ASAP2: variants seen among roughly 807,000 people sequenced by gnomAD.
The protein encoded by ASAP2 is arf-GAP with SH3 domain, ANK repeat and PH domain-containing protein 2.
ASAP2 carries 45 observed loss-of-function variants against 131.4 expected under a neutral mutation model. The ratio of observed to expected loss-of-function variants is 0.34; its 90% CI spans 0.27 to 0.44. The LOEUF (loss-of-function observed/expected upper bound fraction) is 0.44, where lower values mean the gene tolerates loss of function less well. ASAP2 is among the 20% of genes least tolerant of loss of function. ASAP2 has a pLI of 1.00. For missense variants in ASAP2, 1,011 were observed against 1,297.0 expected (o/e 0.78, Z 3.39); for synonymous variants, 510 against 503.0 (o/e 1.01, Z -0.19).
intron 1 of ASAP2, among the ~76,000 whole-genome samples, chr2:9,276,327 A>C (rs532612194): frequency 1.7e-3 from 257 of 152,096 alleles, no homozygotes; most frequent in African/African-American, 5.8e-3. Context: ...CAGCAGGGGG[A>C]GGGGGAGCCA....
intron 2 of ASAP2, among the ~76,000 whole-genome samples, chr2:9,288,536 G>T (rs1667608026): frequency 6.6e-6 from 1 of 152,096 alleles, no homozygotes; most frequent in African/African-American, 2.4e-5. Flanking sequence ...GGGGTATGAC[G>T]TGGCAAAAAT....
intron 12 of ASAP2, among the ~76,000 whole-genome samples, chr2:9,352,794 C>G (rs1672442296): frequency 6.6e-6 from 1 of 152,202 alleles, no homozygotes; most frequent in Non-Finnish European, 1.5e-5. Flanking sequence ...GAAACATCTT[C>G]AGGAAGGACT....
At chr2:9,390,531 C>CTGTG (rs987582523) in intron 22 of ASAP2, among the ~76,000 whole-genome samples, 4 of 152,238 alleles carry the variant, frequency 2.6e-5, no homozygotes, top group Admixed American at 1.3e-4. Context: ...TTGGTGTCAT[C>CTGTG]TGTGTCTGCT....
At chr2:9,344,437 A>G (rs1439135774) in intron 9 of ASAP2, 95 bp from the exon 10 acceptor site, 9 of 897,640 alleles carry the variant, frequency 1.0e-5, no homozygotes, top group African/African-American at 4.1e-5. Flanking sequence ...GTTGTTAAAA[A>G]AAAAACACAT....
In ASAP2 at chr2:9,262,777, C is replaced by T. The variant is rs113153550; in HGVS notation, c.127-16540C>T. On this transcript the variant is annotated intron_variant, in intron 1 of 27. Transcript: ENST00000281419. ...AGTTGGATGGCAGAGCCTGGCATGC[C>T]GACTGGGACAGAAGCCCCAGCACAC... Among the ~76,000 whole-genome samples, 521 of 152,290 alleles carry T rather than the reference C, an allele frequency of 3.4e-3. 5 individuals carry two copies. Among genetic ancestry groups the T allele is most frequent in the African/African-American group, 0.012 (483 of 41,546 alleles).
chr2:9,297,696 G>A (rs1199553707), intron 3 of ASAP2, among the ~76,000 whole-genome samples: 1 of 152,202 alleles, frequency 6.6e-6, no homozygotes, highest in Non-Finnish European at 1.5e-5. Flanking sequence ...ATGGGTAAAT[G>A]CATTCGTCTT....
chr2:9,388,453 G>A lies in ASAP2; in HGVS notation c.2290G>A (p.Gly764Arg), dbSNP rs760971797. The part of the protein sequence containing the change: ...MPSILQNETY[G>R]ALLSGSPPPA... ...CAGCATCTTGCAGAATGAGACTTAC[G>A]GAGCCCTCCTGAGTGGCAGCCCACC... Residue 764 changes from glycine (G) to arginine (R), a missense_variant, in exon 22 of 28, where the codon GGA becomes AGA. Around this residue, in one of 2 missense-constraint regions of ASAP2, gnomAD observed 652 missense variants for 698.9 expected, o/e 0.93. Transcript: ENST00000281419. 49 of 1,614,136 alleles carry A rather than the reference G, an allele frequency of 3.0e-5. No homozygotes were observed. Among genetic ancestry groups the A allele is most frequent in the African/African-American group, 1.7e-4 (13 of 75,026 alleles).
At chr2:9,374,574 C>T (rs1462868287) in intron 16 of ASAP2, among the ~76,000 whole-genome samples, 181 bp from the exon 17 acceptor site, 4 of 152,118 alleles carry the variant, frequency 2.6e-5, no homozygotes, top group Non-Finnish European at 5.9e-5. Flanking sequence ...CCCAGGAGGT[C>T]GCAGTGAAGA....
rs1671049850 is a variant in ASAP2, at chr2:9,334,289, T to C, written c.687-449T>C. Among the ~76,000 whole-genome samples the C allele has an allele frequency of 3.3e-5, 5 of 151,632 alleles. No individual in the cohort carries two copies. In the South Asian group the frequency reaches 1.0e-3, roughly 32 times the overall value. ...GTCTGGAACTCCTGGTCTCTAGTGA[T>C]CCTCCCACCTTGGCCTCCCCAAGTC... is the stretch of plus-strand genomic sequence containing the variant. On this transcript the variant is annotated intron_variant, in intron 7 of 27. Coordinates refer to ENST00000281419, the MANE Select transcript of ASAP2 (RefSeq NM_003887.3).
chr2:9,282,307 G>A (rs1667179103), intron 2 of ASAP2, among the ~76,000 whole-genome samples: 1 of 152,172 alleles, frequency 6.6e-6, no homozygotes, highest in Admixed American at 6.5e-5. Context: ...TAAAACCAGA[G>A]CCTGATCCTG....
chr2:9,267,968 C>T (rs531478883), intron 1 of ASAP2, among the ~76,000 whole-genome samples: 12 of 152,072 alleles, frequency 7.9e-5, no homozygotes, highest in East Asian at 3.9e-4. Flanking sequence ...AAGCGCGCCC[C>T]GCAGGCCTGT....
At chr2:9,291,188 T>C (rs942101253) in intron 2 of ASAP2, among the ~76,000 whole-genome samples, 21 of 152,194 alleles carry the variant, frequency 1.4e-4, no homozygotes, top group African/African-American at 5.1e-4. Flanking sequence ...TCACTCTTTA[T>C]AAATGTTCTG....
intron 7 of ASAP2, among the ~76,000 whole-genome samples, chr2:9,331,747 G>A (rs1230927064): frequency 6.6e-6 from 1 of 151,720 alleles, no homozygotes; most frequent in Non-Finnish European, 1.5e-5. Flanking sequence ...CAGCCTGGGC[G>A]ACAGAGCGAT....
At chr2:9,391,316 T>C (rs1418532376) in intron 23 of ASAP2, 120 bp downstream of exon 23, 1 of 1,346,912 alleles carries the variant, frequency 7.4e-7, no homozygotes, top group Non-Finnish European at 1.0e-6. Context: ...CCGTGTTGTA[T>C]GGCTCCCTGT....
At chr2:9,367,486 C>T (rs1474934346) in intron 15 of ASAP2, among the ~76,000 whole-genome samples, 1 of 152,168 alleles carries the variant, frequency 6.6e-6, no homozygotes, top group Admixed American at 6.5e-5. Flanking sequence ...CCTGGCCAGG[C>T]GCAGCGGCTC....
intron 7 of ASAP2, among the ~76,000 whole-genome samples, chr2:9,334,411 T>C (rs1474010693): frequency 6.6e-6 from 1 of 152,144 alleles, no homozygotes; most frequent in African/African-American, 2.4e-5. Flanking sequence ...CATTCTTCAG[T>C]GTCTTCCACT....
Position 9,400,638 on chromosome 2 carries a change from C to T in ASAP2, c.2735-104C>T, listed in dbSNP as rs994134727. 37 of 1,058,366 alleles carry T rather than the reference C, an allele frequency of 3.5e-5. No individual in the cohort carries two copies. The African/African-American group carries it at 5.6e-4, about 16-fold the overall frequency. The allele number at this position is 1,058,366 out of a possible 1,614,324, so 65.6% of individuals were successfully genotyped here. On this transcript the variant is annotated intron_variant, in intron 25 of 27. Coordinates refer to ENST00000281419, the MANE Select transcript of ASAP2 (RefSeq NM_003887.3). ...CTTTCCCCTCAACAGATCGGAACAC[C>T]TGGGGAAACCTGCTTTCAGACACAC...
chr2:9,209,792 C>G (rs1661402269), intron 1 of ASAP2, among the ~76,000 whole-genome samples: 1 of 152,244 alleles, frequency 6.6e-6, no homozygotes, highest in South Asian at 2.1e-4. Context: ...TGGTCTCGAA[C>G]TCCTGACCTC....
rs760243987 is a variant in ASAP2, at chr2:9,380,786, A to G, written c.1994A>G (p.Lys665Arg). The change falls in exon 20 of 28, where the codon AAG becomes AGG. Residue 665 changes from lysine (K) to arginine (R), a missense_variant. Physicochemically the swap from Lys to Arg is conservative, Grantham distance 26. Coordinates refer to ENST00000281419, the MANE Select transcript of ASAP2 (RefSeq NM_003887.3). The part of the protein sequence containing the change: ...ETPLDIAKRL[K>R]HEHCEELLTQ... ...CCGCTGGACATTGCCAAGCGCCTCA[A>G]GCACGAGCACTGTGAGGAGCTGGTG... is the stretch of plus-strand genomic sequence containing the variant. 8 of 1,614,194 alleles carry G rather than the reference A, an allele frequency of 5.0e-6. No homozygotes were observed. The South Asian group carries it at 8.8e-5, about 18-fold the overall frequency.
Sources: allele counts gnomAD v4.1 joint callset (sites outside exome capture counted in the v4.1 genomes callset), GRCh38; gene constraint gnomAD v4.1.1; regional missense constraint gnomAD v4.1.1; transcripts MANE v1.5; gene names NCBI Gene and HGNC (gene_info 2026-07-23, HGNC 2026-07-21).